The following CTNNA3 variants were observed in gnomAD, a reference collection of about 807,000 sequenced individuals.
CTNNA3 encodes the protein catenin alpha 3.
In CTNNA3, 76 loss-of-function variants were observed where a neutral mutation model predicts 95.7. The ratio of observed to expected loss-of-function variants is 0.79; its 90% confidence interval spans 0.66 to 0.96. The LOEUF (loss-of-function observed/expected upper bound fraction) is 0.96. CTNNA3 is among the 40% of genes least tolerant of loss of function. The probability of loss-of-function intolerance (pLI) is 0.00; values close to 1 mark genes in which losing one functional copy is unlikely to be tolerated. For missense variants in CTNNA3, 1,191 were observed against 1,089.8 expected (o/e 1.09, Z -1.31); for synonymous variants, 431 against 374.4 (o/e 1.15, Z -1.74).
At chr10:67,620,919 GTGTGTATATA>G (rs1564788477) in intron 2 of CTNNA3, among the ~76,000 whole-genome samples, 1 of 100,164 alleles carries the variant, frequency 1.0e-5, no homozygotes, top group African/African-American at 4.5e-5. Context: ...GTGTGTGTGT[GTGTGTATATA>G]TATATATATA....
intron 13 of CTNNA3, among the ~76,000 whole-genome samples, chr10:66,224,372 C>T (rs143974782): frequency 7.9e-5 from 12 of 152,334 alleles, no homozygotes; most frequent in East Asian, 1.9e-4. Context: ...TTATACTCCA[C>T]GCTTTTCCAC....
chr10:65,991,008 T>A (rs916071369), intron 15 of CTNNA3, among the ~76,000 whole-genome samples: 8 of 152,166 alleles, frequency 5.3e-5, no homozygotes, highest in Admixed American at 3.9e-4. Context: ...GCACCATTTA[T>A]TGAAGAGCCA....
intron 1 of CTNNA3, among the ~76,000 whole-genome samples, chr10:67,707,215 T>A (rs1841083538): frequency 6.6e-6 from 1 of 152,190 alleles, no homozygotes; most frequent in Admixed American, 6.5e-5. Flanking sequence ...ATTCTCCTGC[T>A]TAAAATTATA....
chr10:67,054,174 A>C (rs1041947357), intron 7 of CTNNA3, among the ~76,000 whole-genome samples: 3 of 148,224 alleles, frequency 2.0e-5, no homozygotes, highest in African/African-American at 7.5e-5. Context: ...CTTCAAGATC[A>C]GTCAGTGCCT....
intron 7 of CTNNA3, among the ~76,000 whole-genome samples, chr10:67,117,285 A>G (rs542977279): frequency 5.3e-5 from 8 of 152,102 alleles, no homozygotes; most frequent in African/African-American, 1.7e-4. Flanking sequence ...ACTATACTCC[A>G]TAAGTATGAT....
At chr10:67,480,933 G>A (rs182358579) in intron 5 of CTNNA3, among the ~76,000 whole-genome samples, 1 of 152,226 alleles carries the variant, frequency 6.6e-6, no homozygotes, top group African/African-American at 2.4e-5. Context: ...CTTTATTCTA[G>A]GGACGCAACG....
In CTNNA3 at chr10:66,445,275, T is replaced by A. The variant is rs541734645; in HGVS notation, c.1532-65923A>T. 4.9e-3 allele frequency among the ~76,000 whole-genome samples: 745 copies of A among 151,854 alleles called. 6 individuals carry two copies. The highest frequency in any genetic ancestry group is 0.012 in the African/African-American group (497 of 41,372). ...TTAGACAGATTAACGAGACAGAAAG[T>A]TAACAAGGATACCCAGGAATTGAAC... On this transcript the variant is annotated intron_variant, in intron 11 of 17. Coordinates refer to ENST00000433211, the MANE Select transcript of CTNNA3 (RefSeq NM_013266.4).
intron 7 of CTNNA3, among the ~76,000 whole-genome samples, chr10:67,117,739 G>C (rs1441829771): frequency 6.6e-6 from 1 of 151,942 alleles, no homozygotes; most frequent in Admixed American, 6.6e-5. Flanking sequence ...AAATGTCTTG[G>C]TTTGAAAAAA....
chr10:66,546,891 A>G (rs1055185370), intron 10 of CTNNA3, among the ~76,000 whole-genome samples: 1 of 152,148 alleles, frequency 6.6e-6, no homozygotes, highest in African/African-American at 2.4e-5. Context: ...TGTCCCATGG[A>G]GTAATTCCTT....
chr10:67,579,557 G>C (rs939517624), intron 3 of CTNNA3, among the ~76,000 whole-genome samples: 5 of 152,230 alleles, frequency 3.3e-5, no homozygotes, highest in African/African-American at 1.2e-4. Context: ...ATGATCCTTT[G>C]GGTATATACC....
At position 66,903,110 on chromosome 10, in the gene CTNNA3, C is replaced by T. The variant is rs145264699; in HGVS notation, c.1048-127586G>A. ...TTTAGACCAATATCCCTGAAGAACA[C>T]CGATGCAAAAATCCTCAATAAAATA... On this transcript the variant is annotated intron_variant, in intron 7 of 17. Transcript: ENST00000433211. 3.6e-3 allele frequency among the ~76,000 whole-genome samples: 543 copies of T among 152,130 alleles called. 2 individuals carry two copies. Among genetic ancestry groups the T allele is most frequent in the African/African-American group, 0.012 (515 of 41,516 alleles).
chr10:66,377,318 A>G (rs1168731900), intron 12 of CTNNA3, among the ~76,000 whole-genome samples: 1 of 152,144 alleles, frequency 6.6e-6, no homozygotes, highest in Non-Finnish European at 1.5e-5. Flanking sequence ...AATTTTAATT[A>G]AAATTATATA....
intron 7 of CTNNA3, among the ~76,000 whole-genome samples, chr10:67,168,516 G>T (rs1861878503): frequency 6.6e-6 from 1 of 152,034 alleles, no homozygotes. Flanking sequence ...CACATAAAAA[G>T]AACAAAAGAC....
intron 13 of CTNNA3, among the ~76,000 whole-genome samples, chr10:66,194,849 T>A (rs1244459081): frequency 6.6e-6 from 1 of 152,146 alleles, no homozygotes; most frequent in East Asian, 1.9e-4. Flanking sequence ...ATGTTGAAAA[T>A]CAGGCTCTAT....
chr10:66,303,388 TA>T (rs1244085180), intron 12 of CTNNA3, among the ~76,000 whole-genome samples: 1 of 152,146 alleles, frequency 6.6e-6, no homozygotes, highest in African/African-American at 2.4e-5. Context: ...AGATGCACAG[TA>T]AAATAATAGA....
At chr10:66,547,488 G>A (rs539075388) in intron 10 of CTNNA3, among the ~76,000 whole-genome samples, 5 of 150,400 alleles carry the variant, frequency 3.3e-5, no homozygotes, top group African/African-American at 9.8e-5. Flanking sequence ...GACTACAGGC[G>A]CCCGCCACCA....
At chr10:66,072,589 C>T (rs1032767293) in intron 14 of CTNNA3, among the ~76,000 whole-genome samples, 7 of 152,108 alleles carry the variant, frequency 4.6e-5, no homozygotes, top group East Asian at 1.9e-4. Flanking sequence ...GGACTATAGG[C>T]GCCCACTACT....
intron 5 of CTNNA3, among the ~76,000 whole-genome samples, chr10:67,378,597 T>G (rs1254448579): frequency 6.6e-6 from 1 of 152,168 alleles, no homozygotes; most frequent in Non-Finnish European, 1.5e-5. Flanking sequence ...TCCTGTTCTT[T>G]CATAACCTTG....
intron 13 of CTNNA3, among the ~76,000 whole-genome samples, chr10:66,259,006 G>T (rs2090896737): frequency 6.6e-6 from 1 of 152,118 alleles, no homozygotes; most frequent in Non-Finnish European, 1.5e-5. Context: ...CTACTGATTG[G>T]TTTCTAAAAA....
Sources: allele counts gnomAD v4.1 joint callset (sites outside exome capture counted in the v4.1 genomes callset), GRCh38; gene constraint gnomAD v4.1.1; transcripts MANE v1.5; gene names NCBI Gene and HGNC (gene_info 2026-07-23, HGNC 2026-07-21).